SPON1: variants seen among roughly 807,000 people sequenced by gnomAD.
The protein encoded by SPON1 is spondin 1, also known as spondin-1.
In SPON1, 52 loss-of-function variants were observed where a neutral mutation model predicts 111.7. The observed-to-expected ratio is 0.47, with a 90% CI of 0.37 to 0.59. The LOEUF (loss-of-function observed/expected upper bound fraction) is 0.59. Among genes scored for constraint, SPON1 ranks in the 20% least tolerant of loss-of-function variants. SPON1 has a pLI of 0.00. For missense variants in SPON1, 957 were observed against 1,068.5 expected (o/e 0.90, Z 1.46); for synonymous variants, 410 against 395.8 (o/e 1.04, Z -0.43).
At chr11:13,980,672 TGCCCC>T (rs1418717565) in intron 1 of SPON1, among the ~76,000 whole-genome samples, 1 of 152,220 alleles carries the variant, frequency 6.6e-6, no homozygotes, top group Non-Finnish European at 1.5e-5. Context: ...GAAGACTAAA[TGCCCC>T]TCTTTAACAG....
At chr11:14,240,605 G>GTGTA (rs1381265282) in intron 6 of SPON1, among the ~76,000 whole-genome samples, 13 of 149,906 alleles carry the variant, frequency 8.7e-5, no homozygotes, top group African/African-American at 3.3e-4. Context: ...GTGTGTGTGT[G>GTGTA]TGTGTGTGTG....
intron 6 of SPON1, among the ~76,000 whole-genome samples, chr11:14,214,133 G>A (rs2133903231): frequency 6.6e-6 from 1 of 152,254 alleles, no homozygotes; most frequent in South Asian, 2.1e-4. Flanking sequence ...TTTTTACATG[G>A]TTTTTGGTTT....
Position 14,041,630 on chromosome 11 carries a change from C to G in SPON1, c.455C>G (p.Ala152Gly). 6.2e-7 allele frequency: 1 copy of G among 1,613,632 alleles called. No individual in the cohort carries two copies. Among genetic ancestry groups the G allele is most frequent in the Non-Finnish European group, 8.5e-7 (1 of 1,179,808 alleles). The change falls in exon 3 of 16, where the codon GCG (alanine) becomes GGG (glycine). Residue 152 changes from alanine (A) to glycine (G), a missense_variant. Ala to Gly is a moderately conservative substitution (Grantham distance 60, BLOSUM62 0). Coordinates refer to ENST00000576479, the MANE Select transcript of SPON1 (RefSeq NM_006108.4). ...CAGGTGTTTTGGATAGCACCACCAG[C>G]GGGAACAGGCTGCGTGATTCTGAAG... ...RIQVFWIAPPAGTGCVILKAS... is the reference protein window; with the variant it reads ...RIQVFWIAPPGGTGCVILKAS...
At chr11:14,118,308 T>C (rs1437560547) in intron 5 of SPON1, among the ~76,000 whole-genome samples, 1 of 152,210 alleles carries the variant, frequency 6.6e-6, no homozygotes, top group Non-Finnish European at 1.5e-5. Flanking sequence ...TCCAGGAATA[T>C]AGCCTCTCTC....
chr11:14,204,440 G>A (rs915024037), intron 6 of SPON1, among the ~76,000 whole-genome samples: 7 of 151,550 alleles, frequency 4.6e-5, no homozygotes, highest in South Asian at 2.1e-4. Flanking sequence ...CATCACCTGT[G>A]GTCTAATTTT....
At chr11:14,141,078 G>C (rs1847651130) in intron 6 of SPON1, among the ~76,000 whole-genome samples, 1 of 139,554 alleles carries the variant, frequency 7.2e-6, no homozygotes, top group Non-Finnish European at 1.5e-5. Flanking sequence ...TCCATGCATG[G>C]GCTTCTAAAC....
rs567405245 is a variant in SPON1 at position 14,230,601 on chromosome 11, C to A, written c.826-12731C>A. Reference sequence around the variant, plus strand: ...TCCCAGCCGCTGCCTTGGCTTCAAGCCCATTGGGTCTAGAGGTCCGCCCTA... The same window carrying A: ...TCCCAGCCGCTGCCTTGGCTTCAAGACCATTGGGTCTAGAGGTCCGCCCTA... On this transcript the variant is annotated intron_variant, in intron 6 of 15. Coordinates refer to ENST00000576479, the MANE Select transcript of SPON1 (RefSeq NM_006108.4). 4.6e-5 allele frequency among the ~76,000 whole-genome samples: 7 copies of A among 152,320 alleles called. No homozygotes were observed. In the South Asian group the frequency reaches 1.2e-3, roughly 27 times the overall value.
chr11:14,192,432 A>T (rs1456083523), intron 6 of SPON1, among the ~76,000 whole-genome samples: 2 of 152,202 alleles, frequency 1.3e-5, no homozygotes, highest in East Asian at 3.8e-4. Flanking sequence ...TAAAGAATTT[A>T]TTATGCATAA....
At chr11:14,012,497 G>A (rs115343088) in intron 2 of SPON1, among the ~76,000 whole-genome samples, 4 of 152,080 alleles carry the variant, frequency 2.6e-5, no homozygotes, top group African/African-American at 7.2e-5. Context: ...CGTGCAAACC[G>A]CATTTATCCT....
intron 13 of SPON1, 102 bp from the exon 14 acceptor site, chr11:14,260,463 TGGGCCAATTCCACTTTATTCCAG>T (rs1461275460): frequency 9.8e-7 from 1 of 1,018,472 alleles, no homozygotes; most frequent in African/African-American, 1.6e-5. Context: ...TTTGAACCCA[TGGGCCAATTCCACTTTATTCCAG>T]GGGCCAAAGC....
chr11:14,023,022 G>A (rs1480843890), intron 2 of SPON1, among the ~76,000 whole-genome samples: 1 of 152,066 alleles, frequency 6.6e-6, no homozygotes. Context: ...GTAGGATGAC[G>A]ACAGCCAAAG....
intron 6 of SPON1, among the ~76,000 whole-genome samples, chr11:14,222,135 T>G (rs1391776643): frequency 6.6e-6 from 1 of 152,360 alleles, no homozygotes; most frequent in East Asian, 1.9e-4. Context: ...CTGACAAAGC[T>G]TTGTGTAAGT....
At chr11:14,019,147 A>G (rs1015955116) in intron 2 of SPON1, among the ~76,000 whole-genome samples, 8 of 152,106 alleles carry the variant, frequency 5.3e-5, no homozygotes, top group Admixed American at 4.6e-4. Flanking sequence ...TCCTTTAGTC[A>G]TCCATAGTAT....
chr11:14,090,824 G>GCCACCCCCCCCCCCCCCCCC (rs1849046497), intron 5 of SPON1, among the ~76,000 whole-genome samples: 1 of 45,580 alleles, frequency 2.2e-5, no homozygotes, highest in Admixed American at 2.7e-4. Flanking sequence ...CTCTTATCTG[G>GCCACCCCCCCCCCCCCCCCC]CCCCCCCCCC....
intron 5 of SPON1, among the ~76,000 whole-genome samples, chr11:14,097,234 G>A (rs1171015373): frequency 6.6e-6 from 1 of 152,104 alleles, no homozygotes; most frequent in Non-Finnish European, 1.5e-5. Flanking sequence ...ATTAGATAGG[G>A]GTTTCTGGAA....
intron 4 of SPON1, among the ~76,000 whole-genome samples, chr11:14,079,384 T>C (rs1848943035): frequency 6.6e-6 from 1 of 152,218 alleles, no homozygotes. Context: ...CTCTTTTTTT[T>C]CTCCCTTCAG....
chr11:13,981,105 C>T (rs1554909587), intron 1 of SPON1, among the ~76,000 whole-genome samples: 1 of 152,158 alleles, frequency 6.6e-6, no homozygotes, highest in African/African-American at 2.4e-5. Flanking sequence ...TATTAGATGC[C>T]AGGCTCTGTG....
intron 3 of SPON1, among the ~76,000 whole-genome samples, chr11:14,063,844 C>A (rs2133824359): frequency 6.6e-6 from 1 of 152,308 alleles, no homozygotes; most frequent in East Asian, 1.9e-4. Context: ...CTTTTGAGAA[C>A]AATGGTTGCC....
intron 2 of SPON1, among the ~76,000 whole-genome samples, chr11:14,007,535 T>C (rs1848371525): frequency 6.6e-6 from 1 of 152,202 alleles, no homozygotes; most frequent in African/African-American, 2.4e-5. Flanking sequence ...GATTAGATGG[T>C]GCCCACCCAG....
Sources: gnomAD v4.1 joint callset for allele counts (sites outside exome capture counted in the v4.1 genomes callset) on GRCh38, gnomAD v4.1.1 for gene constraint, MANE v1.5 for transcripts, NCBI Gene and HGNC (gene_info 2026-07-23, HGNC 2026-07-21) for gene names.